The following RAD18 variants were observed in gnomAD, a reference collection of about 807,000 sequenced individuals.
The protein encoded by RAD18 is E3 ubiquitin-protein ligase RAD18.
A neutral mutation model predicts 60.4 loss-of-function variants in RAD18; 47 were observed. That is an observed-to-expected ratio of 0.78 (90% CI 0.62 to 0.99). The LOEUF is 0.99. Ranked by LOEUF, RAD18 falls within the 50% of genes least tolerant of loss-of-function variation. RAD18 has a pLI of 0.00. For synonymous variants in RAD18, 225 were observed against 195.5 expected, an observed-to-expected ratio of 1.15 and a Z score of -1.26; for missense variants, 640 against 593.3, an observed-to-expected ratio of 1.08 and a Z score of -0.82.
At chr3:8,962,844 A>G (rs1941112955) in intron 1 of RAD18, among the ~76,000 whole-genome samples, 2 of 152,220 alleles carry the variant, frequency 1.3e-5, no homozygotes, top group African/African-American at 4.8e-5. Flanking sequence ...GAGTTGGGGC[A>G]GTATGTCAGA....
At chr3:8,954,257 C>T (rs1940972810) in intron 2 of RAD18, among the ~76,000 whole-genome samples, 1 of 152,344 alleles carries the variant, frequency 6.6e-6, no homozygotes. Flanking sequence ...TAACTGGACA[C>T]TTTAGATGTT....
At chr3:8,922,184 C>G (rs1940334142) in intron 7 of RAD18, among the ~76,000 whole-genome samples, 1 of 152,190 alleles carries the variant, frequency 6.6e-6, no homozygotes, top group Non-Finnish European at 1.5e-5. Flanking sequence ...ATTCCCTTTC[C>G]TAGCCAAGGA....
chr3:8,916,725 A>G (rs1430819242), intron 7 of RAD18, among the ~76,000 whole-genome samples: 1 of 152,160 alleles, frequency 6.6e-6, no homozygotes, highest in East Asian at 1.9e-4. Context: ...AGTAACAGAT[A>G]ACTTGACTCA....
At chr3:8,949,095 T>C (rs1940886699) in intron 2 of RAD18, among the ~76,000 whole-genome samples, 1 of 152,164 alleles carries the variant, frequency 6.6e-6, no homozygotes, top group Admixed American at 6.5e-5. Flanking sequence ...AAGGAGCTAA[T>C]AAAATAGTGA....
At position 8,885,824 on chromosome 3, in the gene RAD18, AT is replaced by A. The variant is rs1939551517; in HGVS notation, c.1386-4366del. 1.3e-5 allele frequency among the ~76,000 whole-genome samples: 2 copies of A among 152,238 alleles called. 1 individual carries two copies. Among genetic ancestry groups the A allele is most frequent in the South Asian group, 4.1e-4 (2 of 4,836 alleles). ...GTTCATTCTGGGGTGGAGACTTAAC[AT>A]TTAAATATATTACAGTTAGGCCTTA... is the stretch of plus-strand genomic sequence containing the variant. On this transcript the variant is annotated intron_variant, in intron 12 of 12. Coordinates refer to ENST00000264926, the MANE Select transcript of RAD18 (RefSeq NM_020165.4).
intron 1 of RAD18, among the ~76,000 whole-genome samples, chr3:8,959,573 C>T (rs1019308837): frequency 6.6e-6 from 1 of 152,162 alleles, no homozygotes; most frequent in Non-Finnish European, 1.5e-5. Flanking sequence ...CATGGTACTA[C>T]ACATGCAGCC....
chr3:8,910,277 G>C (rs1286512274), intron 9 of RAD18, among the ~76,000 whole-genome samples: 1 of 152,190 alleles, frequency 6.6e-6, no homozygotes, highest in East Asian at 1.9e-4. Flanking sequence ...TAGGTAAATA[G>C]TTAAACAAAC....
chr3:8,921,076 G>C (rs1478773749), intron 7 of RAD18, among the ~76,000 whole-genome samples: 1 of 152,116 alleles, frequency 6.6e-6, no homozygotes, highest in Non-Finnish European at 1.5e-5. Flanking sequence ...CTTATTTTCA[G>C]GCAGTTAAAG....
intron 2 of RAD18, among the ~76,000 whole-genome samples, chr3:8,956,380 C>T (rs956441027): frequency 2.0e-5 from 3 of 152,188 alleles, no homozygotes; most frequent in Non-Finnish European, 4.4e-5. Context: ...CGGTAGATAG[C>T]ATATGTAACA....
chr3:8,941,689 G>T lies in RAD18; in HGVS notation c.382C>A (p.Gln128Lys). 1 of 1,614,062 alleles carries T rather than the reference G, an allele frequency of 6.2e-7. No homozygotes were observed. Among genetic ancestry groups the T allele is most frequent in the Non-Finnish European group, 8.5e-7 (1 of 1,179,962 alleles). ...TPVASRQSLKQGSRLMDNFLI... is the reference protein window; with the variant it reads ...TPVASRQSLKKGSRLMDNFLI... The stretch of plus-strand genomic sequence containing the variant: ...AAATTATCCATTAACCTGCTCCCCT[G>T]CTTTAAAGACTGTCTGGAGGCTACA... The change falls in exon 5 of 13, where the codon CAG (glutamine) becomes AAG (lysine). Residue 128 changes from glutamine (Q) to lysine (K), a missense_variant. Transcript: ENST00000264926.
chr3:8,883,117 T>C (rs572272058), intron 12 of RAD18, among the ~76,000 whole-genome samples: 23 of 152,212 alleles, frequency 1.5e-4, no homozygotes, highest in African/African-American at 5.5e-4. Flanking sequence ...GGGGTGCACA[T>C]AGAATAGAGC....
chr3:8,946,389 A>G (rs1481703018), intron 4 of RAD18, among the ~76,000 whole-genome samples: 1 of 152,222 alleles, frequency 6.6e-6, no homozygotes, highest in Non-Finnish European at 1.5e-5. Flanking sequence ...CAGCAACCAA[A>G]TTGCCTAATG....
At chr3:8,936,930 A>G (rs1940664203) in intron 6 of RAD18, among the ~76,000 whole-genome samples, 1 of 152,184 alleles carries the variant, frequency 6.6e-6, no homozygotes, top group African/African-American at 2.4e-5. Flanking sequence ...ACAGAGAAAT[A>G]TTACAGTCAG....
chr3:8,922,760 A>G (rs1232280570), intron 7 of RAD18, among the ~76,000 whole-genome samples: 2 of 152,124 alleles, frequency 1.3e-5, no homozygotes, highest in Non-Finnish European at 2.9e-5. Context: ...CTGTTCACCA[A>G]TATTTGCTGT....
chr3:8,944,427 T>A (rs1403510436), intron 4 of RAD18, among the ~76,000 whole-genome samples: 2 of 152,054 alleles, frequency 1.3e-5, no homozygotes, highest in Non-Finnish European at 2.9e-5. Flanking sequence ...TCCTAGCTAA[T>A]TGGGAGGCAG....
intron 9 of RAD18, among the ~76,000 whole-genome samples, chr3:8,911,075 G>A (rs915662653): frequency 7.9e-5 from 12 of 152,140 alleles, no homozygotes; most frequent in African/African-American, 2.9e-4. Context: ...AGTATAGTTA[G>A]AACCTGACAC....
At chr3:8,894,155 C>T (rs998069560) in intron 11 of RAD18, among the ~76,000 whole-genome samples, 2 of 152,110 alleles carry the variant, frequency 1.3e-5, no homozygotes, top group Non-Finnish European at 2.9e-5. Context: ...AAATCAAATG[C>T]TATTGATTTT....
intron 7 of RAD18, among the ~76,000 whole-genome samples, chr3:8,915,448 C>T (rs982332785): frequency 6.6e-6 from 1 of 152,106 alleles, no homozygotes; most frequent in Non-Finnish European, 1.5e-5. Context: ...AAAATTGGTA[C>T]CACCCTATCT....
chr3:8,937,116 A>G (rs1344054469), intron 6 of RAD18, among the ~76,000 whole-genome samples: 1 of 152,238 alleles, frequency 6.6e-6, no homozygotes, highest in Non-Finnish European at 1.5e-5. Flanking sequence ...CTCTTCTTAC[A>G]ATGACAACCC....
Sources: gnomAD v4.1 joint callset for allele counts (sites outside exome capture counted in the v4.1 genomes callset) on GRCh38, gnomAD v4.1.1 for gene constraint, MANE v1.5 for transcripts, NCBI Gene and HGNC (gene_info 2026-07-23, HGNC 2026-07-21) for gene names.